Variants in DLGAP1 observed in about 807,000 individuals in gnomAD.
DLGAP1 encodes the protein disks large-associated protein 1.
Under a neutral mutation model 90.8 loss-of-function variants are expected in DLGAP1, and 11 were observed. The observed-to-expected ratio is 0.12, with a 90% CI of 0.08 to 0.20. The LOEUF is 0.20. DLGAP1 is among the 10% of genes least tolerant of loss of function. DLGAP1 has a pLI of 1.00. For missense variants in DLGAP1, 1,050 were observed against 1,333.8 expected, an observed-to-expected ratio of 0.79 and a Z score of 3.31; for synonymous variants, 558 against 540.7, an observed-to-expected ratio of 1.03 and a Z score of -0.44.
rs75722540 is a variant in DLGAP1, at chr18:3,931,345, C to T, written c.-72-51205G>A. On this transcript the variant is annotated intron_variant, in intron 3 of 12. Transcript: ENST00000315677. ...TGGGGAAGGAGCTCTTCACTCAGTT[C>T]TGCCCTGTTCACCGGGTCTGTGCCT... Among the ~76,000 whole-genome samples the T allele has an allele frequency of 7.8e-3, 1,190 of 152,250 alleles. 13 individuals carry two copies. Among genetic ancestry groups the T allele is most frequent in the African/African-American group, 0.028 (1,143 of 41,550 alleles).
chr18:3,729,005 TG>T lies in DLGAP1; in HGVS notation c.1591+129del. 2 of 1,367,564 alleles carry T rather than the reference TG, an allele frequency of 1.5e-6. No individual in the cohort carries two copies. Among genetic ancestry groups the T allele is most frequent in the Non-Finnish European group, 1.9e-6 (2 of 1,032,420 alleles). The allele number at this position is 1,367,564 out of a possible 1,614,324, so 84.7% of individuals were successfully genotyped here. A position where few individuals can be genotyped will look rare whatever the true frequency, so the allele number is the denominator to read the frequency against. The stretch of plus-strand genomic sequence containing the variant: ...GAGGCAGATAGGGAAGGAAAACCTT[TG>T]GTTTGTAGGACATGGGTGGTATCTT... On this transcript the variant is annotated intron_variant, in intron 7 of 12. Coordinates refer to ENST00000315677, the MANE Select transcript of DLGAP1 (RefSeq NM_004746.4). This position sits in a 1 kb window ranked among gnomAD's most constrained non-coding sequence, Gnocchi z 6.2.
intron 2 of DLGAP1, among the ~76,000 whole-genome samples, chr18:4,049,410 T>G (rs913251004): frequency 6.6e-6 from 1 of 152,048 alleles, no homozygotes; most frequent in Non-Finnish European, 1.5e-5. Context: ...CCTCCTCCCA[T>G]GCAGCCGAGG....
chr18:4,251,739 T>C (rs911539644), intron 1 of DLGAP1, among the ~76,000 whole-genome samples: 3 of 152,204 alleles, frequency 2.0e-5, no homozygotes, highest in Non-Finnish European at 4.4e-5. Context: ...TCCCACTCTA[T>C]AGTGAGCCTC....
intron 10 of DLGAP1, among the ~76,000 whole-genome samples, chr18:3,509,521 GC>G (rs2050422651): frequency 6.6e-6 from 1 of 152,202 alleles, no homozygotes; most frequent in Non-Finnish European, 1.5e-5. Context: ...GGGACTGGGT[GC>G]AGCTGCCCTG....
intron 7 of DLGAP1, among the ~76,000 whole-genome samples, chr18:3,605,992 T>A (rs953506881): frequency 1.3e-5 from 2 of 152,184 alleles, no homozygotes; most frequent in African/African-American, 4.8e-5. Context: ...AATGGATTCC[T>A]GCCTAGGCAG....
chr18:3,811,045 A>G (rs1265631696), intron 5 of DLGAP1, among the ~76,000 whole-genome samples: 2 of 152,124 alleles, frequency 1.3e-5, no homozygotes, highest in African/African-American at 4.8e-5. Flanking sequence ...GGCCCAAGCA[A>G]TCTGCCCACC....
chr18:4,223,185 G>T (rs990070626), intron 1 of DLGAP1, among the ~76,000 whole-genome samples: 5 of 152,042 alleles, frequency 3.3e-5, no homozygotes, highest in African/African-American at 9.7e-5. Context: ...ATACCCTACA[G>T]ATGTTTTATA....
chr18:3,765,221 C>T (rs1439988116), intron 5 of DLGAP1, among the ~76,000 whole-genome samples: 2 of 146,624 alleles, frequency 1.4e-5, no homozygotes, highest in Non-Finnish European at 3.0e-5. Flanking sequence ...AGCTTTGCCT[C>T]CCGGGTTCAC....
chr18:4,392,938 C>T (rs994351355), intron 1 of DLGAP1, among the ~76,000 whole-genome samples: 24 of 152,174 alleles, frequency 1.6e-4, no homozygotes, highest in African/African-American at 5.8e-4. Flanking sequence ...TGTTCCCACC[C>T]TCATGCCTTA....
Position 3,935,840 on chromosome 18 carries a change from G to A in DLGAP1, c.-72-55700C>T, listed in dbSNP as rs537099819. ...ACAGGTTTGAAACGAGCTCTCATTC[G>A]AAAGTCTAAGCCTTTTCCACTCTGC... On this transcript the variant is annotated intron_variant, in intron 3 of 12. Coordinates refer to ENST00000315677, the MANE Select transcript of DLGAP1 (RefSeq NM_004746.4). Among the ~76,000 whole-genome samples, 7 of 152,312 alleles carry A rather than the reference G, an allele frequency of 4.6e-5. No individual in the cohort carries two copies. The South Asian group carries it at 8.3e-4, about 18-fold the overall frequency.
intron 3 of DLGAP1, among the ~76,000 whole-genome samples, chr18:3,975,470 G>C (rs2073551602): frequency 6.6e-6 from 1 of 152,172 alleles, no homozygotes; most frequent in Non-Finnish European, 1.5e-5. Context: ...CAAAGATGTG[G>C]AGAAATTGGA....
chr18:4,305,402 C>T (rs1461000704), intron 1 of DLGAP1, among the ~76,000 whole-genome samples: 2 of 151,824 alleles, frequency 1.3e-5, no homozygotes, highest in African/African-American at 2.4e-5. Context: ...GGTGTGGTGG[C>T]ACGCGCCTGT....
At chr18:4,256,972 A>T (rs1379609220) in intron 1 of DLGAP1, among the ~76,000 whole-genome samples, 1 of 152,182 alleles carries the variant, frequency 6.6e-6, no homozygotes, top group Non-Finnish European at 1.5e-5. Flanking sequence ...ACACTCACAC[A>T]GTGTGACTCT....
intron 4 of DLGAP1, among the ~76,000 whole-genome samples, chr18:3,815,602 CTTT>C (rs1418589422): frequency 6.6e-6 from 1 of 152,152 alleles, no homozygotes; most frequent in Non-Finnish European, 1.5e-5. Flanking sequence ...CACTGCTCTT[CTTT>C]TTTCTTTCCA....
intron 4 of DLGAP1, among the ~76,000 whole-genome samples, chr18:3,814,685 A>C (rs1319085931): frequency 6.6e-6 from 1 of 152,204 alleles, no homozygotes; most frequent in African/African-American, 2.4e-5. Context: ...GTATATATTT[A>C]TAGAGTACAT....
At chr18:3,846,415 G>A (rs1363721797) in intron 4 of DLGAP1, among the ~76,000 whole-genome samples, 2 of 152,114 alleles carry the variant, frequency 1.3e-5, no homozygotes, top group African/African-American at 4.8e-5. Context: ...TAAGTATAGT[G>A]TCACCATATG....
At chr18:4,319,353 T>C (rs1242406938) in intron 1 of DLGAP1, among the ~76,000 whole-genome samples, 1 of 152,220 alleles carries the variant, frequency 6.6e-6, no homozygotes, top group Admixed American at 6.5e-5. Flanking sequence ...TTCTTCTGTA[T>C]ATCCTAATTT....
At chr18:3,776,364 C>T (rs2064937359) in intron 5 of DLGAP1, among the ~76,000 whole-genome samples, 1 of 152,178 alleles carries the variant, frequency 6.6e-6, no homozygotes, top group Admixed American at 6.5e-5. Flanking sequence ...GGAGTGTATT[C>T]TTCTGTGTTT....
chr18:4,265,852 T>G (rs1318454501), intron 1 of DLGAP1, among the ~76,000 whole-genome samples: 3 of 151,548 alleles, frequency 2.0e-5, no homozygotes, highest in African/African-American at 7.3e-5. Flanking sequence ...CATACCTGGC[T>G]ACTTTTTTTG....
Sources: allele counts gnomAD v4.1 joint callset (sites outside exome capture counted in the v4.1 genomes callset), GRCh38; gene constraint gnomAD v4.1.1; non-coding constraint Gnocchi (gnomAD v3.1); transcripts MANE v1.5; gene names NCBI Gene and HGNC (gene_info 2026-07-23, HGNC 2026-07-21).